The following GRK7 variants were observed in gnomAD, a reference collection of about 807,000 sequenced individuals.
GRK7 encodes rhodopsin kinase GRK7.
Under a neutral mutation model 34.1 loss-of-function variants are expected in GRK7, and 24 were observed. The ratio of observed to expected loss-of-function variants is 0.70; its 90% CI spans 0.51 to 0.99. The LOEUF (loss-of-function observed/expected upper bound fraction) is 0.99. Among genes scored for constraint, GRK7 ranks in the 50% least tolerant of loss-of-function variants. GRK7 has a pLI of 0.00. For synonymous variants in GRK7, 256 were observed against 279.4 expected, an observed-to-expected ratio of 0.92 and a Z score of 0.84; for missense variants, 644 against 707.3, an observed-to-expected ratio of 0.91 and a Z score of 1.02.
intron 5 of GRK7, among the ~76,000 whole-genome samples, chr3:141,809,876 T>A (rs1340970980): frequency 6.6e-6 from 1 of 152,202 alleles, no homozygotes; most frequent in African/African-American, 2.4e-5. Context: ...TGAATTACTT[T>A]CCTTGAGTCT....
chr3:141,781,528 C>A (rs1295045448), intron 4 of GRK7, among the ~76,000 whole-genome samples: 2 of 143,298 alleles, frequency 1.4e-5, no homozygotes, highest in South Asian at 2.2e-4. Flanking sequence ...CAGAGCAAGA[C>A]TCTGTCTCAA....
the GRK7 span, among the ~76,000 whole-genome samples, chr3:141,753,761 ATGTT>A: frequency 6.6e-6 from 1 of 152,228 alleles, no homozygotes; most frequent in Non-Finnish European, 1.5e-5. Flanking sequence ...AAGGGAATTT[ATGTT>A]TGTTTTAAAA....
intron 4 of GRK7, among the ~76,000 whole-genome samples, chr3:141,787,425 A>G (rs1287661007): frequency 6.6e-6 from 1 of 151,980 alleles, no homozygotes; most frequent in African/African-American, 2.4e-5. Flanking sequence ...GGAGCTTGAG[A>G]CCAGCCTGGC....
intron 4 of GRK7, among the ~76,000 whole-genome samples, chr3:141,791,519 A>T (rs1307303448): frequency 6.6e-6 from 1 of 152,160 alleles, no homozygotes; most frequent in Non-Finnish European, 1.5e-5. Context: ...CTAACTTTTG[A>T]CCCCTACAGA....
At chr3:141,800,026 G>A (rs13065862) in intron 4 of GRK7, among the ~76,000 whole-genome samples, 13,073 of 152,190 alleles carry the variant, frequency 0.086, 717 homozygotes, top group Non-Finnish European at 0.13. Context: ...TTGCTGAATA[G>A]AACTTACTGA....
rs1185069404 is a variant in GRK7, at chr3:141,817,642, G to A, written c.*592G>A. On this transcript the variant is annotated 3_prime_UTR_variant, in exon 6 of 6. Transcript: ENST00000682958. ...GGAAATAATTTACTATCATAATGTT[G>A]AAGCATTTTAAACATAAACATCCAT... 1 of 152,102 alleles carries A rather than the reference G, an allele frequency of 6.6e-6. No individual in the cohort carries two copies. Among genetic ancestry groups the A allele is most frequent in the African/African-American group, 2.4e-5 (1 of 41,408 alleles). 9.4% of individuals were successfully genotyped at this position (152,102 alleles called of 1,614,324 possible).
In GRK7 at chr3:141,811,749, A is replaced by G. The variant is rs1480590549; in HGVS notation, c.1325+3830A>G. 5.9e-5 allele frequency among the ~76,000 whole-genome samples: 9 copies of G among 152,242 alleles called. No individual in the cohort carries two copies. In the East Asian group the frequency reaches 1.7e-3, roughly 29 times the overall value. On this transcript the variant is annotated intron_variant, in intron 5 of 5. Transcript: ENST00000682958. ...CCTCCAAGCCAAGGCAAATGCCTCG[A>G]CAGCATGTTACACAGCAGAGTTCAA...
chr3:141,760,809 T>G (rs2084552516), upstream of GRK7, among the ~76,000 whole-genome samples: 1 of 126,062 alleles, frequency 7.9e-6, no homozygotes, highest in Non-Finnish European at 1.7e-5. Context: ...CTGTATTGGG[T>G]GCATATATAT....
At chr3:141,780,948 T>A in intron 4 of GRK7, 137 bp downstream of exon 4, 1 of 741,294 alleles carries the variant, frequency 1.3e-6, no homozygotes, top group Non-Finnish European at 2.2e-6. Context: ...TACGTTGTCA[T>A]CTTGCCTTAA....
upstream of GRK7, among the ~76,000 whole-genome samples, chr3:141,760,166 G>C (rs529046822): frequency 2.9e-3 from 442 of 151,518 alleles, 2 homozygotes; most frequent in African/African-American, 0.01. Context: ...GCTTTTGAAT[G>C]TGTTTGCTCT....
At chr3:141,777,470 G>A (rs1202061018) in intron 2 of GRK7, among the ~76,000 whole-genome samples, 1 of 138,836 alleles carries the variant, frequency 7.2e-6, no homozygotes, top group Non-Finnish European at 1.5e-5. Context: ...GACTACAGGC[G>A]CCCGCCATCA....
At chr3:141,815,259 GTTTT>G (rs1711141137) in intron 5 of GRK7, among the ~76,000 whole-genome samples, 1 of 126,082 alleles carries the variant, frequency 7.9e-6, no homozygotes, top group Admixed American at 8.2e-5. Context: ...TTGTTTGTTT[GTTTT>G]TTCTTAGTAA....
At chr3:141,771,659 T>C (rs1389073673) in intron 1 of GRK7, among the ~76,000 whole-genome samples, 1 of 152,106 alleles carries the variant, frequency 6.6e-6, no homozygotes. Flanking sequence ...AATATAGCCA[T>C]ATAACAAAAC....
Position 141,818,259 on chromosome 3 carries a change from ATCATGAGGTCAGGGGC to A in GRK7, c.*1213_*1228del, listed in dbSNP as rs888060648. ...CACTTTGGGAGGCCAAGGCAGATGG[ATCATGAGGTCAGGGGC>A]TCAAGACTAGCCTGGCCAACATGTT... On this transcript the variant is annotated 3_prime_UTR_variant, in exon 6 of 6. Coordinates refer to ENST00000682958, the MANE Select transcript of GRK7 (RefSeq NM_139209.3). 7 of 152,176 alleles carry A rather than the reference ATCATGAGGTCAGGGGC, an allele frequency of 4.6e-5. No homozygotes were observed. Among genetic ancestry groups the A allele is most frequent in the Admixed American group, 3.3e-4 (5 of 15,266 alleles). The allele number at this position is 152,176 out of a possible 1,614,324, so 9.4% of individuals were successfully genotyped here. A position where few individuals can be genotyped will look rare whatever the true frequency, so the allele number is the denominator to read the frequency against.
chr3:141,780,548 CA>C lies in GRK7; in HGVS notation c.788del (p.His263LeufsTer6). 3.7e-6 allele frequency: 6 copies of C among 1,614,236 alleles called. No individual in the cohort carries two copies. The highest frequency in any genetic ancestry group is 5.1e-6 in the Non-Finnish European group (6 of 1,180,036). On this transcript the variant is annotated frameshift_variant, in exon 4 of 6. Coordinates refer to ENST00000682958, the MANE Select transcript of GRK7 (RefSeq NM_139209.3). LOFTEE classifies it high-confidence loss of function. Reference sequence around the variant, plus strand: ...GGCCTATGCCTTTGAGAGCAAGACCCATCTCTGCCTTGTCATGAGCCTGATG... The same window carrying C: ...GGCCTATGCCTTTGAGAGCAAGACCCTCTCTGCCTTGTCATGAGCCTGATG... The part of the protein sequence containing the change: ...SLAYAFESKT[H>X]LCLVMSLMNG...
chr3:141,806,258 T>C (rs184889185), intron 4 of GRK7, among the ~76,000 whole-genome samples: 1 of 152,150 alleles, frequency 6.6e-6, no homozygotes, highest in African/African-American at 2.4e-5. Flanking sequence ...CTCTGTCATA[T>C]CGCTCTCTGA....
intron 5 of GRK7, among the ~76,000 whole-genome samples, chr3:141,813,449 C>G (rs970811848): frequency 6.6e-6 from 1 of 152,096 alleles, no homozygotes; most frequent in Non-Finnish European, 1.5e-5. Flanking sequence ...TTTGAAGCTT[C>G]CATTTATCTC....
rs750557573 is a variant in GRK7, at chr3:141,780,717, C to T, written c.956C>T (p.Pro319Leu). 1 of 1,614,190 alleles carries T rather than the reference C, an allele frequency of 6.2e-7. No individual in the cohort carries two copies. Among genetic ancestry groups the T allele is most frequent in the South Asian group, 1.1e-5 (1 of 91,084 alleles). ...GGCATCGTCTATCGGGACATGAAGC[C>T]TGAGAATGTGCTTCTGGATGACCTC... ...ELGIVYRDMK[P>L]ENVLLDDLGN... Residue 319 changes from proline to leucine, a missense_variant, in exon 4 of 6, where the codon CCT (proline) becomes CTT (leucine). Transcript: ENST00000682958.
At chr3:141,760,616 A>G (rs959218349), upstream of GRK7, among the ~76,000 whole-genome samples, 8 of 151,658 alleles carry the variant, frequency 5.3e-5, no homozygotes, top group Admixed American at 4.6e-4. Flanking sequence ...AGAGTTCTGT[A>G]GATGTCTATC....
Sources: gnomAD v4.1 joint callset for allele counts (sites outside exome capture counted in the v4.1 genomes callset) on GRCh38, gnomAD v4.1.1 for gene constraint, MANE v1.5 for transcripts, NCBI Gene and HGNC (gene_info 2026-07-23, HGNC 2026-07-21) for gene names.